Variants in MSTO1 observed in about 807,000 individuals in gnomAD.
MSTO1 encodes protein misato homolog 1.
MSTO1 carries 24 observed loss-of-function variants against 55.7 expected under a neutral mutation model. The ratio of observed to expected loss-of-function variants is 0.43; its 90% confidence interval spans 0.31 to 0.61. The LOEUF is 0.61. MSTO1 is among the 20% of genes least tolerant of loss of function. MSTO1 has a pLI of 0.09. For synonymous variants in MSTO1, 162 were observed against 252.8 expected, an observed-to-expected ratio of 0.64 and a Z score of 3.41; for missense variants, 363 against 625.7, an observed-to-expected ratio of 0.58 and a Z score of 4.48.
At chr1:155,599,813 A>G in the MSTO1 span, among the ~76,000 whole-genome samples, 2 of 152,238 alleles carry the variant, frequency 1.3e-5, no homozygotes, top group African/African-American at 4.8e-5. Context: ...AGGTCTTTGC[A>G]TCATAGACAA....
At chr1:155,602,495 GCAA>G in the MSTO1 span, among the ~76,000 whole-genome samples, 1 of 151,982 alleles carries the variant, frequency 6.6e-6, no homozygotes, top group African/African-American at 2.4e-5. Flanking sequence ...AACAACAGCA[GCAA>G]CAACAACAAA....
chr1:155,567,647 G>T, the MSTO1 span, among the ~76,000 whole-genome samples: 14 of 152,040 alleles, frequency 9.2e-5, no homozygotes, highest in South Asian at 2.9e-3. Context: ...TGTTGGCCAG[G>T]CTGGTCTTGA....
the MSTO1 span, among the ~76,000 whole-genome samples, chr1:155,604,769 G>T: frequency 2.0e-5 from 3 of 152,260 alleles, no homozygotes; most frequent in East Asian, 3.9e-4. Flanking sequence ...CAGCTACTTG[G>T]GGGGCTGAGG....
At chr1:155,580,247 C>T in the MSTO1 span, among the ~76,000 whole-genome samples, 4 of 148,824 alleles carry the variant, frequency 2.7e-5, no homozygotes, top group Admixed American at 1.3e-4. Flanking sequence ...AAAAAAGGGC[C>T]GAGTGTGGTG....
the MSTO1 span, among the ~76,000 whole-genome samples, chr1:155,574,163 G>C: frequency 2.4e-3 from 358 of 152,208 alleles, 2 homozygotes; most frequent in African/African-American, 8.3e-3. Flanking sequence ...TTGAAGACCA[G>C]CCTGGACAAC....
the MSTO1 span, among the ~76,000 whole-genome samples, chr1:155,592,775 G>C: frequency 6.6e-6 from 1 of 151,996 alleles, no homozygotes; most frequent in Non-Finnish European, 1.5e-5. Flanking sequence ...GGCTGGTCTC[G>C]AACTCCTGAC....
At chr1:155,610,111 T>C, upstream of MSTO1, 3 of 822,926 alleles carry the variant, frequency 3.6e-6, no homozygotes, top group South Asian at 5.2e-5. Flanking sequence ...CGGCGCATCG[T>C]TTCTCCAATG....
chr1:155,599,085 G>A, the MSTO1 span, among the ~76,000 whole-genome samples: 933 of 152,200 alleles, frequency 6.1e-3, 5 homozygotes, highest in African/African-American at 0.02. Flanking sequence ...CGAGGCAGGC[G>A]GATTGCCTGA....
At chr1:155,593,884 G>A in the MSTO1 span, among the ~76,000 whole-genome samples, 4 of 151,710 alleles carry the variant, frequency 2.6e-5, no homozygotes, top group Admixed American at 2.6e-4. Context: ...CAGGAGAATG[G>A]CATGAACCCG....
chr1:155,563,635 A>G, the MSTO1 span: 1 of 454,942 alleles, frequency 2.2e-6, no homozygotes, highest in Non-Finnish European at 4.4e-6. Flanking sequence ...CTGGTGATGG[A>G]GGATGAAGAA....
At chr1:155,576,199 T>C in the MSTO1 span, among the ~76,000 whole-genome samples, 4 of 152,216 alleles carry the variant, frequency 2.6e-5, no homozygotes, top group African/African-American at 9.6e-5. Context: ...TTAAGTTCTA[T>C]GTGATTTGCA....
chr1:155,592,463 G>A, the MSTO1 span, among the ~76,000 whole-genome samples: 2 of 152,170 alleles, frequency 1.3e-5, no homozygotes, highest in Admixed American at 1.3e-4. Flanking sequence ...GAATGATTTG[G>A]ATATTTGGAT....
chr1:155,591,143 G>A, the MSTO1 span: 23 of 1,613,350 alleles, frequency 1.4e-5, no homozygotes, highest in East Asian at 2.2e-5. Context: ...TGGCCACCAC[G>A]ATGCTGTTGC....
At chr1:155,569,740 TG>T in the MSTO1 span, among the ~76,000 whole-genome samples, 1 of 152,068 alleles carries the variant, frequency 6.6e-6, no homozygotes, top group Non-Finnish European at 1.5e-5. Context: ...CCCGGCCAGT[TG>T]TTTTTTTTGG....
At chr1:155,580,654 C>T in the MSTO1 span, among the ~76,000 whole-genome samples, 1 of 152,022 alleles carries the variant, frequency 6.6e-6, no homozygotes, top group Non-Finnish European at 1.5e-5. Context: ...TGCGGTGGCT[C>T]ACGCCTGTAA....
At chr1:155,566,648 T>C in the MSTO1 span, among the ~76,000 whole-genome samples, 9 of 151,656 alleles carry the variant, frequency 5.9e-5, no homozygotes, top group African/African-American at 1.9e-4. Flanking sequence ...AGAGTTTCAC[T>C]CTTGTTACCC....
At chr1:155,581,514 C>T in the MSTO1 span, among the ~76,000 whole-genome samples, 1 of 151,758 alleles carries the variant, frequency 6.6e-6, no homozygotes, top group Non-Finnish European at 1.5e-5. Context: ...AGGGTTCAAG[C>T]AGTTCTCATG....
At chr1:155,568,075 T>TTTTAC in the MSTO1 span, among the ~76,000 whole-genome samples, 3 of 150,790 alleles carry the variant, frequency 2.0e-5, no homozygotes, top group Non-Finnish European at 2.9e-5. Flanking sequence ...TTTTATTTTA[T>TTTTAC]TTTATTTTAT....
the MSTO1 span, among the ~76,000 whole-genome samples, chr1:155,567,618 T>TA: frequency 6.6e-6 from 1 of 152,082 alleles, no homozygotes; most frequent in Non-Finnish European, 1.5e-5. Context: ...GTATTTTTAA[T>TA]AGAGACAGCG....
Sources: gnomAD v4.1 joint callset for allele counts (sites outside exome capture counted in the v4.1 genomes callset) on GRCh38, gnomAD v4.1.1 for gene constraint, MANE v1.5 for transcripts, NCBI Gene and HGNC (gene_info 2026-07-23, HGNC 2026-07-21) for gene names.